The following OCA2 variants were observed in gnomAD, a reference collection of about 807,000 sequenced individuals.
The protein encoded by OCA2 is P protein.
In OCA2, 77 loss-of-function variants were observed where a neutral mutation model predicts 100.2. The observed-to-expected ratio is 0.77, with a 90% CI of 0.64 to 0.93. OCA2 has a LOEUF of 0.93. OCA2 is among the 40% of genes least tolerant of loss of function. The pLI, the probability that OCA2 is intolerant of heterozygous loss-of-function variation, is 0.00. For missense variants in OCA2, 1,062 were observed against 1,089.1 expected, an observed-to-expected ratio of 0.98 and a Z score of 0.35; for synonymous variants, 432 against 439.2, an observed-to-expected ratio of 0.98 and a Z score of 0.21.
intron 2 of OCA2, among the ~76,000 whole-genome samples, chr15:28,073,133 G>T (rs1005880243): frequency 2.0e-5 from 3 of 152,156 alleles, no homozygotes; most frequent in African/African-American, 7.2e-5. Flanking sequence ...AGTAAAATCC[G>T]CAGGGCACGG....
At chr15:28,037,664 T>G (rs2043082980) in intron 2 of OCA2, among the ~76,000 whole-genome samples, 1 of 152,228 alleles carries the variant, frequency 6.6e-6, no homozygotes, top group African/African-American at 2.4e-5. Context: ...TTGCTGAAGC[T>G]ATCACCTTTT....
In OCA2 at chr15:27,919,747, C is replaced by T. The variant is rs372923536; in HGVS notation, c.2079+6380G>A. On this transcript the variant is annotated intron_variant, in intron 19 of 23. Coordinates refer to ENST00000354638, the MANE Select transcript of OCA2 (RefSeq NM_000275.3). ...CCCACAGAATGTACAACACCAAGAACCAAGAATGAGCACTAATATAAACTA... is the reference window on the plus strand; with the variant it reads ...CCCACAGAATGTACAACACCAAGAATCAAGAATGAGCACTAATATAAACTA... 7.9e-5 allele frequency among the ~76,000 whole-genome samples: 12 copies of T among 152,148 alleles called. No homozygotes were observed. In the South Asian group the frequency reaches 2.5e-3, roughly 32 times the overall value.
intron 22 of OCA2, among the ~76,000 whole-genome samples, chr15:27,846,199 C>G (rs552171628): frequency 2.0e-5 from 3 of 152,106 alleles, no homozygotes; most frequent in African/African-American, 7.2e-5. Context: ...GTTGCACCAA[C>G]GGTTCCATCC....
At chr15:28,065,452 C>T (rs1184937239) in intron 2 of OCA2, among the ~76,000 whole-genome samples, 1 of 152,094 alleles carries the variant, frequency 6.6e-6, no homozygotes, top group Non-Finnish European at 1.5e-5. Context: ...ATCACTTTTC[C>T]AGCTTATGTT....
rs1252343996 is a variant in OCA2, at chr15:27,913,869, A to AAG, written c.2079+12256_2079+12257dup. ...AAAGAAAGAAAGAAAGAAAGAAAGA[A>AAG]AGAAAGAAAGAAAGAAAGAAAGAAA... On this transcript the variant is annotated intron_variant, in intron 19 of 23. Coordinates refer to ENST00000354638, the MANE Select transcript of OCA2 (RefSeq NM_000275.3). Among the ~76,000 whole-genome samples the AAG allele has an allele frequency of 2.0e-3, 110 of 54,334 alleles. 3 individuals are homozygous for AAG. Among genetic ancestry groups the AAG allele is most frequent in the African/African-American group, 9.3e-3 (101 of 10,882 alleles). The allele number at this position is 54,334 out of a possible 152,430, so 35.6% of individuals were successfully genotyped here.
chr15:28,082,313 A>G (rs1486286711), intron 1 of OCA2, among the ~76,000 whole-genome samples: 1 of 152,184 alleles, frequency 6.6e-6, no homozygotes, highest in African/African-American at 2.4e-5. Flanking sequence ...GGACTCCCCT[A>G]CTAATCTGTG....
At chr15:27,722,843 T>C in the OCA2 span, among the ~76,000 whole-genome samples, 2 of 151,126 alleles carry the variant, frequency 1.3e-5, no homozygotes, top group Non-Finnish European at 3.0e-5. Context: ...TCTCTCTTTC[T>C]CTCTTTCTTT....
At chr15:28,008,587 C>T (rs148112634) in intron 9 of OCA2, among the ~76,000 whole-genome samples, 2,048 of 152,334 alleles carry the variant, frequency 0.013, 43 homozygotes, top group African/African-American at 0.047. Context: ...GTAAGGTGGA[C>T]ACGTCAGGTT....
intron 23 of OCA2, among the ~76,000 whole-genome samples, chr15:27,816,348 C>G (rs1227065809): frequency 6.6e-6 from 1 of 152,112 alleles, no homozygotes; most frequent in Non-Finnish European, 1.5e-5. Context: ...CTCCAGCAGC[C>G]CTGAGCAATC....
chr15:28,077,863 C>A (rs760385410), intron 2 of OCA2, among the ~76,000 whole-genome samples: 1 of 152,262 alleles, frequency 6.6e-6, no homozygotes, highest in East Asian at 1.9e-4. Flanking sequence ...AGGTGGATCA[C>A]GAGGTCAGGA....
At chr15:27,948,437 T>C (rs540128766) in intron 18 of OCA2, among the ~76,000 whole-genome samples, 4 of 151,734 alleles carry the variant, frequency 2.6e-5, no homozygotes, top group Admixed American at 6.6e-5. Flanking sequence ...GTGTCTGGAG[T>C]AGTTTTTTTG....
At chr15:27,948,457 G>GT (rs1229974786) in intron 18 of OCA2, among the ~76,000 whole-genome samples, 3 of 151,970 alleles carry the variant, frequency 2.0e-5, no homozygotes, top group East Asian at 1.9e-4. Flanking sequence ...GTTTTTTGGG[G>GT]TTTTTTTGTT....
At chr15:27,986,261 CT>C (rs1318603468) in intron 12 of OCA2, among the ~76,000 whole-genome samples, 1 of 152,168 alleles carries the variant, frequency 6.6e-6, no homozygotes, top group Non-Finnish European at 1.5e-5. Context: ...AAGCTAATGG[CT>C]TGAAATATTG....
At chr15:27,971,225 AG>A (rs2040778143) in intron 14 of OCA2, among the ~76,000 whole-genome samples, 1 of 152,206 alleles carries the variant, frequency 6.6e-6, no homozygotes, top group South Asian at 2.1e-4. Flanking sequence ...CGCACAGTAT[AG>A]TGGGAAAAGT....
chr15:27,842,713 C>T (rs1209536985), intron 23 of OCA2, among the ~76,000 whole-genome samples: 3 of 152,194 alleles, frequency 2.0e-5, no homozygotes, highest in Admixed American at 2.0e-4. Flanking sequence ...GCATGTGATT[C>T]ATAAGGCTGG....
intron 15 of OCA2, among the ~76,000 whole-genome samples, chr15:27,959,412 AC>A (rs1266733375): frequency 6.6e-6 from 1 of 152,268 alleles, no homozygotes; most frequent in Non-Finnish European, 1.5e-5. Context: ...ACTCTCTGAA[AC>A]ACTGAACACA....
At chr15:28,078,088 G>A (rs1051267157) in intron 2 of OCA2, among the ~76,000 whole-genome samples, 1 of 152,172 alleles carries the variant, frequency 6.6e-6, no homozygotes, top group African/African-American at 2.4e-5. Context: ...ACAAATAAAT[G>A]CAAAACTGGA....
chr15:27,878,829 A>C (rs2036894191), intron 19 of OCA2, among the ~76,000 whole-genome samples: 1 of 151,984 alleles, frequency 6.6e-6, no homozygotes, highest in Admixed American at 6.6e-5. Context: ...AATTGTTTTT[A>C]ATATTTCAAA....
At position 27,906,739 on chromosome 15, in the gene OCA2, G is replaced by GA. The variant is rs35392529; in HGVS notation, c.2079+19387dup. 2.3e-3 allele frequency among the ~76,000 whole-genome samples: 346 copies of GA among 149,014 alleles called. 1 individual carries two copies. Among genetic ancestry groups the GA allele is most frequent in the African/African-American group, 8.2e-3 (331 of 40,504 alleles). On this transcript the variant is annotated intron_variant, in intron 19 of 23. Transcript: ENST00000354638. ...GCAATATTTTTAAAAATAAGTCAAT[G>GA]AAAAAAAAAAGTGTAACAAAGGATT...
Sources: gnomAD v4.1 joint callset for allele counts (sites outside exome capture counted in the v4.1 genomes callset) on GRCh38, gnomAD v4.1.1 for gene constraint, MANE v1.5 for transcripts, NCBI Gene and HGNC (gene_info 2026-07-23, HGNC 2026-07-21) for gene names.